The following CWF19L2 variants were observed in gnomAD, a reference collection of about 807,000 sequenced individuals.
The protein encoded by CWF19L2 is CWF19 like cell cycle control factor 2.
CWF19L2 carries 98 observed loss-of-function variants against 111.7 expected under a neutral mutation model. The ratio of observed to expected loss-of-function variants is 0.88; its 90% CI spans 0.75 to 1.04. The LOEUF (loss-of-function observed/expected upper bound fraction) is 1.04. Among genes scored for constraint, CWF19L2 ranks in the 50% least tolerant of loss-of-function variants. The probability of loss-of-function intolerance (pLI) is 0.00; values close to 1 mark genes in which losing one functional copy is unlikely to be tolerated. For synonymous variants in CWF19L2, 351 were observed against 342.9 expected (o/e 1.02, Z -0.26); for missense variants, 1,101 against 1,051.4 (o/e 1.05, Z -0.65).
chr11:107,425,186 A>G (rs1463428646), intron 8 of CWF19L2, among the ~76,000 whole-genome samples: 4 of 139,874 alleles, frequency 2.9e-5, no homozygotes. Flanking sequence ...TGAAACACAC[A>G]CACACACACA....
chr11:107,455,721 C>A lies in CWF19L2; in HGVS notation c.161G>T (p.Gly54Val), dbSNP rs1217012045. The A allele has an allele frequency of 1.3e-5, 20 of 1,551,390 alleles. No individual in the cohort carries two copies. The highest frequency in any genetic ancestry group is 2.7e-5 in the African/African-American group (2 of 73,148). Residue 54 changes from glycine (G) to valine (V), a missense_variant, in exon 2 of 18, where the codon GGT becomes GTT. By Grantham distance (109) the Gly-to-Val change is moderately radical. Coordinates refer to ENST00000282251, the MANE Select transcript of CWF19L2 (RefSeq NM_152434.3). Reference protein sequence around the residue: ...ERRKELKRLRGEDTWMLPDVN... With the variant: ...ERRKELKRLRVEDTWMLPDVN... ...ATCAGGTAGCATCCATGTATCCTCA[C>A]CCCGAAGTCGCTTAAGTTCTTTACG... is the stretch of plus-strand genomic sequence containing the variant.
chr11:107,351,046 G>A (rs1860150004), intron 13 of CWF19L2, among the ~76,000 whole-genome samples: 1 of 152,094 alleles, frequency 6.6e-6, no homozygotes, highest in Admixed American at 6.5e-5. Context: ...TTCCAGCTTT[G>A]GTCTGAAAGC....
At chr11:107,422,202 G>A (rs539447919) in intron 8 of CWF19L2, among the ~76,000 whole-genome samples, 1 of 151,980 alleles carries the variant, frequency 6.6e-6, no homozygotes, top group African/African-American at 2.4e-5. Context: ...AACTGCCCAG[G>A]TCCACTTATA....
At chr11:107,392,265 G>C (rs531447694) in intron 11 of CWF19L2, among the ~76,000 whole-genome samples, 1 of 152,168 alleles carries the variant, frequency 6.6e-6, no homozygotes, top group Non-Finnish European at 1.5e-5. Flanking sequence ...ACTTGAGAAA[G>C]CTGAATATGT....
intron 3 of CWF19L2, among the ~76,000 whole-genome samples, chr11:107,450,496 T>C (rs540340961): frequency 1.3e-5 from 2 of 152,146 alleles, no homozygotes; most frequent in South Asian, 4.2e-4. Flanking sequence ...GAAGCTGCAG[T>C]GATCTACTAC....
rs984849028 is a variant in CWF19L2, at chr11:107,373,176, C to T, written c.1872+16898G>A. ...CAGCAGCTGAGATCAAACTGCAAGG[C>T]GGCAGCGAGGCTAGGGGAGGGGCGC... On this transcript the variant is annotated intron_variant, in intron 12 of 17. Coordinates refer to ENST00000282251, the MANE Select transcript of CWF19L2 (RefSeq NM_152434.3). Among the ~76,000 whole-genome samples the T allele has an allele frequency of 1.9e-4, 24 of 127,928 alleles. 2 individuals carry two copies. Among genetic ancestry groups the T allele is most frequent in the African/African-American group, 6.3e-4 (19 of 30,170 alleles). The allele number at this position is 127,928 out of a possible 152,430, so 83.9% of individuals were successfully genotyped here. A position where few individuals can be genotyped will look rare whatever the true frequency, so the allele number is the denominator to read the frequency against.
At chr11:107,422,554 G>T (rs1438832201) in intron 8 of CWF19L2, among the ~76,000 whole-genome samples, 3 of 151,916 alleles carry the variant, frequency 2.0e-5, no homozygotes, top group Non-Finnish European at 2.9e-5. Context: ...TTGTATATTT[G>T]CAGTTTATTA....
intron 7 of CWF19L2, among the ~76,000 whole-genome samples, chr11:107,431,416 T>C (rs1037864231): frequency 1.3e-5 from 2 of 151,988 alleles, no homozygotes; most frequent in Non-Finnish European, 2.9e-5. Flanking sequence ...AGAAAAATAC[T>C]GAAGAGCATA....
chr11:107,344,876 C>T (rs940455741), intron 14 of CWF19L2, among the ~76,000 whole-genome samples: 17 of 152,124 alleles, frequency 1.1e-4, no homozygotes, highest in Admixed American at 1.3e-4. Context: ...GGAGATACTA[C>T]CTCATTACTG....
chr11:107,444,961 C>T (rs1345404769), intron 3 of CWF19L2, among the ~76,000 whole-genome samples: 2 of 152,162 alleles, frequency 1.3e-5, no homozygotes, highest in Non-Finnish European at 1.5e-5. Context: ...TTCACATCAA[C>T]CTGAGCCATT....
intron 12 of CWF19L2, among the ~76,000 whole-genome samples, chr11:107,379,773 T>C (rs1379049330): frequency 6.6e-6 from 1 of 152,110 alleles, no homozygotes; most frequent in East Asian, 1.9e-4. Flanking sequence ...AAGAATCAGA[T>C]ACTCAGCCGG....
At chr11:107,416,355 A>C (rs1861226748) in intron 9 of CWF19L2, 57 bp from the exon 10 acceptor site, 1 of 730,346 alleles carries the variant, frequency 1.4e-6, no homozygotes, top group African/African-American at 1.8e-5. Flanking sequence ...TCTTTACGAC[A>C]AAATGTTCAA....
In CWF19L2 at chr11:107,353,682, T is replaced by C. The variant is rs777176071; in HGVS notation, c.1927A>G (p.Lys643Glu). Residue 643 changes from lysine (K) to glutamate (E), a missense_variant, in exon 13 of 18, where the codon AAA becomes GAA. Lys to Glu is a moderately conservative substitution (Grantham distance 56). Transcript: ENST00000282251. ...CCAAGACGTTCTCTCTCAGCTGCTT[T>C]GGAGACAAACATGTCATCCAGGGTG... Reference protein sequence around the residue: ...YYTLDDMFVSKAAERERLGEE... With the variant: ...YYTLDDMFVSEAAERERLGEE... 4.3e-6 allele frequency: 7 copies of C among 1,613,706 alleles called. No individual in the cohort carries two copies. The highest frequency in any genetic ancestry group is 3.3e-5 in the South Asian group (3 of 91,084).
At chr11:107,397,733 A>G (rs1051576005) in intron 10 of CWF19L2, among the ~76,000 whole-genome samples, 1 of 152,082 alleles carries the variant, frequency 6.6e-6, no homozygotes, top group African/African-American at 2.4e-5. Flanking sequence ...GGAGAATTAA[A>G]CCACCAAAGC....
chr11:107,360,581 T>G (rs939896183), intron 12 of CWF19L2, among the ~76,000 whole-genome samples: 1 of 152,186 alleles, frequency 6.6e-6, no homozygotes, highest in African/African-American at 2.4e-5. Context: ...ATAGAGGCCG[T>G]ACCAATTTAC....
chr11:107,335,069 G>A, intron 15 of CWF19L2, 108 bp from the exon 16 acceptor site: 1 of 696,448 alleles, frequency 1.4e-6, no homozygotes. Flanking sequence ...ATTATACATA[G>A]TAAGCCATTA....
intron 13 of CWF19L2, among the ~76,000 whole-genome samples, chr11:107,351,779 G>C (rs57787625): frequency 3.6e-3 from 542 of 152,284 alleles, no homozygotes; most frequent in African/African-American, 0.012. Context: ...TAGAAATGAT[G>C]ATGGTCAGTT....
chr11:107,422,855 T>TA (rs955345665), intron 8 of CWF19L2, among the ~76,000 whole-genome samples: 31 of 151,332 alleles, frequency 2.0e-4, no homozygotes, highest in East Asian at 5.8e-4. Flanking sequence ...AGCATTGGAA[T>TA]AAAAAAAAAT....
intron 12 of CWF19L2, 103 bp from the exon 13 acceptor site, chr11:107,353,839 T>C: frequency 1.3e-6 from 1 of 782,470 alleles, no homozygotes; most frequent in East Asian, 2.6e-5. Context: ...ATGATAAAAC[T>C]AATACATTTA....
Sources: gnomAD v4.1 joint callset for allele counts (sites outside exome capture counted in the v4.1 genomes callset) on GRCh38, gnomAD v4.1.1 for gene constraint, MANE v1.5 for transcripts, NCBI Gene and HGNC (gene_info 2026-07-23, HGNC 2026-07-21) for gene names.